The following DGUOK variants were observed in gnomAD, a reference collection of about 807,000 sequenced individuals.
DGUOK encodes the protein deoxyguanosine kinase, mitochondrial.
DGUOK carries 30 observed loss-of-function variants against 36.6 expected under a neutral mutation model. The ratio of observed to expected loss-of-function variants is 0.82; its 90% CI spans 0.61 to 1.11. DGUOK has a LOEUF of 1.11. Among genes scored for constraint, DGUOK ranks in the 50% most tolerant of loss-of-function variants. The pLI is 0.00. For missense variants in DGUOK, 361 were observed against 336.4 expected, an observed-to-expected ratio of 1.07 and a Z score of -0.57; for synonymous variants, 145 against 126.3, an observed-to-expected ratio of 1.15 and a Z score of -0.99.
At chr2:73,952,931 G>C (rs1047175288) in intron 4 of DGUOK, among the ~76,000 whole-genome samples, 2 of 152,200 alleles carry the variant, frequency 1.3e-5, no homozygotes, top group Non-Finnish European at 1.5e-5. Flanking sequence ...TGGAGACTGG[G>C]AAGTCCAAAT....
chr2:73,933,942 C>T (rs979844333), intron 1 of DGUOK, among the ~76,000 whole-genome samples: 2 of 152,100 alleles, frequency 1.3e-5, no homozygotes, highest in African/African-American at 4.8e-5. Context: ...TTAAAAAAGA[C>T]ATTAGACAGT....
chr2:73,930,584 A>G (rs571268815), intron 1 of DGUOK, among the ~76,000 whole-genome samples: 44 of 152,018 alleles, frequency 2.9e-4, no homozygotes, highest in Non-Finnish European at 5.4e-4. Context: ...AACTCCCTCT[A>G]TTTTCCTGAC....
At chr2:73,932,633 A>G in intron 1 of DGUOK, 1 of 1,298,138 alleles carries the variant, frequency 7.7e-7, no homozygotes, top group African/African-American at 1.5e-5. Flanking sequence ...GAGAGCACCC[A>G]TTCAGGAAAC....
At chr2:73,950,494 T>A (rs1682626295) in intron 3 of DGUOK, 91 bp from the exon 4 acceptor site, 1 of 1,383,106 alleles carries the variant, frequency 7.2e-7, no homozygotes, top group African/African-American at 1.4e-5. Context: ...ACAAGTTGGT[T>A]ATTGATTTTT....
chr2:73,954,866 T>C (rs1281107373), intron 4 of DGUOK, among the ~76,000 whole-genome samples: 1 of 152,208 alleles, frequency 6.6e-6, no homozygotes, highest in East Asian at 1.9e-4. Flanking sequence ...ACACTATCTT[T>C]CCTGTTCACA....
At chr2:73,942,843 C>T (rs1300054641) in intron 2 of DGUOK, among the ~76,000 whole-genome samples, 1 of 152,142 alleles carries the variant, frequency 6.6e-6, no homozygotes, top group Non-Finnish European at 1.5e-5. Context: ...TTTCAGTAGA[C>T]CGTGTGGTAC....
At chr2:73,943,058 T>C (rs897668892) in intron 2 of DGUOK, among the ~76,000 whole-genome samples, 6 of 152,204 alleles carry the variant, frequency 3.9e-5, no homozygotes, top group African/African-American at 1.2e-4. Context: ...ATTCCATTAA[T>C]TTGGTAATGT....
chr2:73,954,578 C>T (rs1268006273), intron 4 of DGUOK, among the ~76,000 whole-genome samples: 1 of 152,044 alleles, frequency 6.6e-6, no homozygotes, highest in Non-Finnish European at 1.5e-5. Context: ...CCTCAGTGTT[C>T]CTAGCCAGCC....
intron 4 of DGUOK, among the ~76,000 whole-genome samples, chr2:73,954,840 C>G (rs1402728249): frequency 6.6e-6 from 1 of 152,196 alleles, no homozygotes; most frequent in Non-Finnish European, 1.5e-5. Context: ...GGGTCTCTCC[C>G]TCGCCACTTG....
chr2:73,934,789 G>C (rs947346349), intron 1 of DGUOK, among the ~76,000 whole-genome samples: 1 of 146,176 alleles, frequency 6.8e-6, no homozygotes, highest in African/African-American at 2.5e-5. Flanking sequence ...GATAACAGCA[G>C]TGGCCCGGCG....
intron 2 of DGUOK, among the ~76,000 whole-genome samples, chr2:73,939,505 T>C (rs556762509): frequency 6.6e-6 from 1 of 152,398 alleles, no homozygotes; most frequent in East Asian, 1.9e-4. Context: ...GGCACTGTAC[T>C]ATGCCAAGCA....
chr2:73,948,122 A>G (rs959734192), intron 3 of DGUOK, among the ~76,000 whole-genome samples: 2 of 152,098 alleles, frequency 1.3e-5, no homozygotes, highest in African/African-American at 2.4e-5. Flanking sequence ...TATAGGTTTT[A>G]CTTCTTTTTC....
At position 73,952,489 on chromosome 2, in the gene DGUOK, A is replaced by G. The variant is rs148056905; in HGVS notation, c.591+1757A>G. ...GGAAGGCTTGTGGCCTGGGCCAAAG[A>G]GGAGTGAGAGTGCTGTGAGGTTGGA... On this transcript the variant is annotated intron_variant, in intron 4 of 6. Coordinates refer to ENST00000264093, the MANE Select transcript of DGUOK (RefSeq NM_080916.3). Among the ~76,000 whole-genome samples, 30 of 152,332 alleles carry G rather than the reference A, an allele frequency of 2.0e-4. No homozygotes were observed. In the East Asian group the frequency reaches 5.8e-3, roughly 29 times the overall value.
intron 4 of DGUOK, among the ~76,000 whole-genome samples, chr2:73,954,191 T>G (rs959476255): frequency 3.3e-5 from 5 of 152,032 alleles, no homozygotes; most frequent in Non-Finnish European, 7.4e-5. Flanking sequence ...ACAAAAAATT[T>G]AAAAATTAGC....
chr2:73,942,029 C>G (rs538588966), intron 2 of DGUOK, among the ~76,000 whole-genome samples: 2 of 151,968 alleles, frequency 1.3e-5, no homozygotes, highest in Admixed American at 1.3e-4. Flanking sequence ...CCTGCCTCAG[C>G]CTCCTGAGTA....
intron 2 of DGUOK, among the ~76,000 whole-genome samples, chr2:73,940,908 T>G (rs892035651): frequency 6.6e-6 from 1 of 152,240 alleles, no homozygotes; most frequent in Non-Finnish European, 1.5e-5. Flanking sequence ...GACACATTTC[T>G]CAGAACATAT....
At chr2:73,939,316 A>G (rs969434085) in intron 2 of DGUOK, among the ~76,000 whole-genome samples, 2 of 152,236 alleles carry the variant, frequency 1.3e-5, no homozygotes, top group African/African-American at 4.8e-5. Flanking sequence ...TGTCATTCCT[A>G]CACTTAAGTA....
intron 3 of DGUOK, among the ~76,000 whole-genome samples, chr2:73,948,359 C>A (rs1375012491): frequency 6.6e-6 from 1 of 152,186 alleles, no homozygotes; most frequent in African/African-American, 2.4e-5. Flanking sequence ...GGATCTTAAC[C>A]TTTGCTTGTA....
chr2:73,934,645 C>G (rs996066371), intron 1 of DGUOK, among the ~76,000 whole-genome samples: 26 of 151,034 alleles, frequency 1.7e-4, no homozygotes, highest in Admixed American at 1.1e-3. Context: ...CCCAGTTACT[C>G]GGGAGGCTGA....
Sources: allele counts gnomAD v4.1 joint callset (sites outside exome capture counted in the v4.1 genomes callset), GRCh38; gene constraint gnomAD v4.1.1; transcripts MANE v1.5; gene names NCBI Gene and HGNC (gene_info 2026-07-23, HGNC 2026-07-21).